The following TNRC6A variants were observed in gnomAD, a reference collection of about 807,000 sequenced individuals.
TNRC6A encodes the protein trinucleotide repeat-containing gene 6A protein.
Under a neutral mutation model 221.2 loss-of-function variants are expected in TNRC6A, and 44 were observed. The ratio of observed to expected loss-of-function variants is 0.20; its 90% CI spans 0.16 to 0.26. TNRC6A has a LOEUF of 0.26. Ranked by LOEUF, TNRC6A falls within the 10% of genes least tolerant of loss-of-function variation. The pLI, the probability that TNRC6A is intolerant of heterozygous loss-of-function variation, is 1.00. For synonymous variants in TNRC6A, 847 were observed against 838.5 expected (o/e 1.01, Z -0.18); for missense variants, 2,199 against 2,404.4 (o/e 0.91, Z 1.79).
chr16:24,815,358 T>C, intron 19 of TNRC6A, 53 bp downstream of exon 19: 1 of 1,590,960 alleles, frequency 6.3e-7, no homozygotes, highest in Non-Finnish European at 8.6e-7. Flanking sequence ...CATTAAGGTT[T>C]TGTTACATCT....
At chr16:24,670,300 T>A (rs186824447) in intron 2 of TNRC6A, among the ~76,000 whole-genome samples, 5 of 152,000 alleles carry the variant, frequency 3.3e-5, no homozygotes, top group African/African-American at 4.8e-5. Context: ...AGGCTTAATG[T>A]GGGAAAATAG....
chr16:24,728,473 TA>T (rs35167595), upstream of TNRC6A, among the ~76,000 whole-genome samples: 100 of 144,332 alleles, frequency 6.9e-4, no homozygotes, highest in Middle Eastern at 3.6e-3. Flanking sequence ...AATAAAAAAA[TA>T]AAAAAAAAAG....
At chr16:24,805,296 A>G in intron 14 of TNRC6A, 145 bp downstream of exon 14, 2 of 1,207,950 alleles carry the variant, frequency 1.7e-6, no homozygotes, top group South Asian at 1.6e-5. Flanking sequence ...CTATTAAAAA[A>G]GGTTGTAGTA....
At chr16:24,710,470 T>C (rs2056183707) in intron 2 of TNRC6A, among the ~76,000 whole-genome samples, 1 of 151,894 alleles carries the variant, frequency 6.6e-6, no homozygotes, top group African/African-American at 2.4e-5. Flanking sequence ...TGGCTAGATG[T>C]GGTGGTGCAC....
intron 23 of TNRC6A, 114 bp from the exon 24 acceptor site, chr16:24,822,760 G>T: frequency 7.1e-7 from 1 of 1,415,994 alleles, no homozygotes; most frequent in Non-Finnish European, 9.6e-7. Context: ...GAAGAGTGGT[G>T]CCAGGAGCAC....
At chr16:24,796,047 G>C in intron 9 of TNRC6A, 108 bp downstream of exon 9, 1 of 1,249,026 alleles carries the variant, frequency 8.0e-7, no homozygotes, top group South Asian at 1.3e-5. Flanking sequence ...ACTGTGCTTG[G>C]TGCTGGGGAT....
chr16:24,792,680 A>G (rs1374103990), intron 6 of TNRC6A, among the ~76,000 whole-genome samples: 2 of 141,988 alleles, frequency 1.4e-5, no homozygotes, highest in African/African-American at 5.4e-5. Context: ...TTTTAAAATA[A>G]GCATTGTTCA....
At chr16:24,631,164 A>G (rs1901315686) in intron 1 of TNRC6A, among the ~76,000 whole-genome samples, 1 of 152,188 alleles carries the variant, frequency 6.6e-6, no homozygotes, top group Admixed American at 6.5e-5. Context: ...GATAACATCT[A>G]TTTTATTTAG....
intron 2 of TNRC6A, among the ~76,000 whole-genome samples, chr16:24,704,664 C>CAAAAAAAAAAAAAAAAAAAAAAAA (rs58926085): frequency 1.4e-5 from 1 of 69,458 alleles, no homozygotes; most frequent in Non-Finnish European, 2.8e-5. Context: ...GACTCCGTCT[C>CAAAAAAAAAAAAAAAAAAAAAAAA]AAAAAAAAAA....
chr16:24,614,427 C>A (rs58453673), intron 1 of TNRC6A, among the ~76,000 whole-genome samples: 4,585 of 152,290 alleles, frequency 0.03, 201 homozygotes, highest in East Asian at 0.13. Flanking sequence ...GACACTGTCT[C>A]CCTCTAATAT....
chr16:24,729,922 G>C (rs1387264994), intron 1 of TNRC6A, 76 bp downstream of exon 1: 1 of 1,174,014 alleles, frequency 8.5e-7, no homozygotes, highest in Non-Finnish European at 1.1e-6. Flanking sequence ...CCGCGGCGGC[G>C]GCAGCAGAGG....
rs776856466 is a variant in TNRC6A at position 24,806,217 on chromosome 16, G to A, written c.4263G>A (p.Ala1421=). 43 of 1,613,996 alleles carry A rather than the reference G, an allele frequency of 2.7e-5. No individual in the cohort carries two copies. Among genetic ancestry groups the A allele is most frequent in the South Asian group, 2.5e-4 (23 of 91,080 alleles). ...TATCTTTCCTCTAGCGATTGTTAGC[G>A]CAGCAGCAAAGGGCGCAGAGTCAGA... ...SQISQLQRLL[A]QQQRAQSQRS... is the part of the protein sequence containing the mutation. Residue 1421 remains alanine (A), a synonymous_variant, in exon 16 of 25, where the codon GCG becomes GCA. Transcript: ENST00000395799.
intron 18 of TNRC6A, 173 bp downstream of exon 18, chr16:24,809,654 A>G (rs966064896): frequency 2.5e-5 from 18 of 726,302 alleles, no homozygotes; most frequent in Non-Finnish European, 3.5e-5. Context: ...AGACTTTCAG[A>G]TGAAAAGCAG....
chr16:24,687,136 T>C (rs1427796347), intron 2 of TNRC6A, among the ~76,000 whole-genome samples: 1 of 152,040 alleles, frequency 6.6e-6, no homozygotes, highest in Non-Finnish European at 1.5e-5. Flanking sequence ...ACCCTGTGAG[T>C]CCATAGGAGG....
chr16:24,729,397 G>A (rs1186421236), upstream of TNRC6A, among the ~76,000 whole-genome samples: 1 of 149,376 alleles, frequency 6.7e-6, no homozygotes, highest in Non-Finnish European at 1.5e-5. Context: ...GAGGAGGGGA[G>A]GGACTCCCCT....
intron 3 of TNRC6A, among the ~76,000 whole-genome samples, chr16:24,755,749 A>G (rs1284734701): frequency 2.0e-5 from 3 of 152,232 alleles, no homozygotes; most frequent in African/African-American, 7.2e-5. Context: ...TGCTGTCTTC[A>G]GTAATGAAGG....
Position 24,771,549 on chromosome 16 carries a change from G to GTT in TNRC6A, c.164-5383_164-5382dup, listed in dbSNP as rs1246375709. ...GTTATGTTATGTTATGTTATGTTAT[G>GTT]TTATGTTATGTTTTATGTTATGTTA... On this transcript the variant is annotated intron_variant, in intron 4 of 24. Transcript: ENST00000395799. 4.1e-4 allele frequency among the ~76,000 whole-genome samples: 41 copies of GTT among 101,096 alleles called. No homozygotes were observed. In the East Asian group the frequency reaches 5.3e-3, roughly 13 times the overall value. The allele number at this position is 101,096 out of a possible 152,430, so 66.3% of individuals were successfully genotyped here. A position where few individuals can be genotyped will look rare whatever the true frequency, so the allele number is the denominator to read the frequency against.
intron 9 of TNRC6A, among the ~76,000 whole-genome samples, chr16:24,797,172 C>A (rs1033293047): frequency 6.6e-6 from 1 of 152,120 alleles, no homozygotes; most frequent in Non-Finnish European, 1.5e-5. Flanking sequence ...ACTAATCTTA[C>A]AGTTCTCCGT....
chr16:24,685,796 T>G (rs944342082), intron 2 of TNRC6A, among the ~76,000 whole-genome samples: 2 of 152,232 alleles, frequency 1.3e-5, no homozygotes, highest in Non-Finnish European at 2.9e-5. Context: ...TAGTAATAAC[T>G]AGGTTTTCTC....
Sources: gnomAD v4.1 joint callset for allele counts (sites outside exome capture counted in the v4.1 genomes callset) on GRCh38, gnomAD v4.1.1 for gene constraint, MANE v1.5 for transcripts, NCBI Gene and HGNC (gene_info 2026-07-23, HGNC 2026-07-21) for gene names.